Variants in LINGO2 observed in about 807,000 individuals in gnomAD.
LINGO2 encodes leucine-rich repeat and immunoglobulin-like domain-containing nogo receptor-interacting protein 2.
A neutral mutation model predicts 30.6 loss-of-function variants in LINGO2; 14 were observed. The observed-to-expected ratio is 0.46, with a 90% CI of 0.30 to 0.72. The LOEUF (loss-of-function observed/expected upper bound fraction) is 0.72, where lower values mean the gene tolerates loss of function less well. Among genes scored for constraint, LINGO2 ranks in the 30% least tolerant of loss-of-function variants. The probability of loss-of-function intolerance (pLI) is 0.07; values close to 1 mark genes in which losing one functional copy is unlikely to be tolerated. For synonymous variants in LINGO2, 317 were observed against 288.5 expected (o/e 1.10, Z -1.00); for missense variants, 729 against 751.7 (o/e 0.97, Z 0.35).
chr9:29,042,338 T>C, the LINGO2 span, among the ~76,000 whole-genome samples: 6 of 152,154 alleles, frequency 3.9e-5, no homozygotes, highest in East Asian at 1.9e-4. Flanking sequence ...AATTGCACTC[T>C]TGCACATTTA....
chr9:28,798,015 A>T, the LINGO2 span, among the ~76,000 whole-genome samples: 1 of 152,116 alleles, frequency 6.6e-6, no homozygotes, highest in Non-Finnish European at 1.5e-5. Context: ...AAAAGAAAAG[A>T]TAAGTGATCA....
At chr9:29,068,318 G>A in the LINGO2 span, among the ~76,000 whole-genome samples, 4 of 145,952 alleles carry the variant, frequency 2.7e-5, no homozygotes, top group East Asian at 6.0e-4. Flanking sequence ...AGATAATTTT[G>A]AGATAGATGT....
chr9:28,118,824 A>G (rs1276180491), intron 4 of LINGO2, among the ~76,000 whole-genome samples: 1 of 152,186 alleles, frequency 6.6e-6, no homozygotes, highest in Admixed American at 6.5e-5. Flanking sequence ...AATAGACAAT[A>G]AATATCCTGC....
chr9:28,904,426 G>T, the LINGO2 span, among the ~76,000 whole-genome samples: 2 of 151,896 alleles, frequency 1.3e-5, no homozygotes, highest in Admixed American at 1.3e-4. Context: ...GTTTTTGTTT[G>T]CAGAGGACAT....
chr9:28,981,725 T>A, the LINGO2 span, among the ~76,000 whole-genome samples: 1 of 152,136 alleles, frequency 6.6e-6, no homozygotes, highest in Admixed American at 6.6e-5. Flanking sequence ...AGTGCTCCAA[T>A]GAATGGTACT....
At chr9:27,997,550 T>C (rs1431294919) in intron 5 of LINGO2, among the ~76,000 whole-genome samples, 1 of 152,216 alleles carries the variant, frequency 6.6e-6, no homozygotes, top group East Asian at 1.9e-4. Context: ...TACTAAGTAC[T>C]TTTATGCTCA....
intron 1 of LINGO2, among the ~76,000 whole-genome samples, chr9:28,636,672 GT>G (rs201718422): frequency 0.025 from 3,820 of 152,064 alleles, 156 homozygotes; most frequent in African/African-American, 0.08. Context: ...TGATGGGGTT[GT>G]TTTTTTCTTA....
At chr9:28,893,873 G>A in the LINGO2 span, among the ~76,000 whole-genome samples, 1 of 151,728 alleles carries the variant, frequency 6.6e-6, no homozygotes, top group African/African-American at 2.4e-5. Flanking sequence ...TTAGCATTAG[G>A]TATATCTCCT....
At chr9:28,782,368 G>T in the LINGO2 span, among the ~76,000 whole-genome samples, 16 of 152,168 alleles carry the variant, frequency 1.1e-4, no homozygotes, top group African/African-American at 3.1e-4. Flanking sequence ...CATTCACTGT[G>T]CATTACTTGA....
chr9:28,734,194 A>C, the LINGO2 span, among the ~76,000 whole-genome samples: 1 of 152,204 alleles, frequency 6.6e-6, no homozygotes, highest in Non-Finnish European at 1.5e-5. Flanking sequence ...ATGTGAACAC[A>C]AGCACTGTGA....
At position 28,407,329 on chromosome 9, in the gene LINGO2, T is replaced by C. The variant is rs1016129921; in HGVS notation, c.-278-34461A>G. 6.6e-5 allele frequency among the ~76,000 whole-genome samples: 10 copies of C among 152,064 alleles called. No individual in the cohort carries two copies. The South Asian group carries it at 1.9e-3, about 28-fold the overall frequency. The stretch of plus-strand genomic sequence containing the variant: ...TTATAGAAAAAAATCACTTATGATA[T>C]GGAAAATTCACTTACTTGTAACTCA... On this transcript the variant is annotated intron_variant, in intron 2 of 5. Coordinates refer to ENST00000379992, the Ensembl canonical transcript of LINGO2.
intron 4 of LINGO2, among the ~76,000 whole-genome samples, chr9:28,176,469 A>G (rs923170455): frequency 6.6e-6 from 1 of 152,288 alleles, no homozygotes. Context: ...TTAGATGGTT[A>G]TATCATTGGG....
chr9:28,770,011 T>A, the LINGO2 span, among the ~76,000 whole-genome samples: 1 of 152,102 alleles, frequency 6.6e-6, no homozygotes, highest in African/African-American at 2.4e-5. Flanking sequence ...TGGCATACTT[T>A]CTGAAATTTC....
chr9:28,090,723 G>T (rs1826054964), intron 4 of LINGO2, among the ~76,000 whole-genome samples: 1 of 152,088 alleles, frequency 6.6e-6, no homozygotes, highest in African/African-American at 2.4e-5. Flanking sequence ...AGGGCAATTA[G>T]GGAGGAGAAA....
intron 4 of LINGO2, among the ~76,000 whole-genome samples, chr9:28,229,837 T>C (rs551014647): frequency 6.0e-4 from 91 of 151,944 alleles, no homozygotes; most frequent in African/African-American, 2.2e-3. Context: ...TAATTCACCT[T>C]TTATTCATGT....
chr9:28,630,605 C>T (rs931156227), intron 1 of LINGO2, among the ~76,000 whole-genome samples: 2 of 152,060 alleles, frequency 1.3e-5, no homozygotes, highest in Non-Finnish European at 2.9e-5. Flanking sequence ...TTTGTCTGGT[C>T]TACTTTCATA....
At chr9:28,066,247 C>A (rs190573196) in intron 4 of LINGO2, among the ~76,000 whole-genome samples, 2 of 152,178 alleles carry the variant, frequency 1.3e-5, no homozygotes, top group Non-Finnish European at 1.5e-5. Context: ...GGCACAAACA[C>A]TCACAATACA....
intron 1 of LINGO2, among the ~76,000 whole-genome samples, chr9:28,600,343 G>A (rs1254490834): frequency 1.3e-5 from 2 of 152,018 alleles, no homozygotes; most frequent in African/African-American, 4.8e-5. Context: ...TGACAATATT[G>A]CATTCATGAC....
At chr9:28,056,674 C>T (rs1824951661) in intron 4 of LINGO2, among the ~76,000 whole-genome samples, 1 of 152,134 alleles carries the variant, frequency 6.6e-6, no homozygotes, top group African/African-American at 2.4e-5. Context: ...AGATATGTCA[C>T]CAGCTGTTCT....
Sources: gnomAD v4.1 joint callset for allele counts (sites outside exome capture counted in the v4.1 genomes callset) on GRCh38, gnomAD v4.1.1 for gene constraint, MANE v1.5 for transcripts, NCBI Gene and HGNC (gene_info 2026-07-23, HGNC 2026-07-21) for gene names.